The following ANKRD30B variants were observed in gnomAD, a reference collection of about 807,000 sequenced individuals.
The protein encoded by ANKRD30B is ankyrin repeat domain-containing protein 30B.
Under a neutral mutation model 202.2 loss-of-function variants are expected in ANKRD30B, and 144 were observed. The observed-to-expected ratio is 0.71, with a 90% CI of 0.62 to 0.82. The LOEUF is 0.82. ANKRD30B is among the 40% of genes least tolerant of loss of function. ANKRD30B has a pLI of 0.00. For missense variants in ANKRD30B, 1,487 were observed against 1,669.1 expected, an observed-to-expected ratio of 0.89 and a Z score of 1.90; for synonymous variants, 508 against 561.3, an observed-to-expected ratio of 0.91 and a Z score of 1.34.
At chr18:14,828,794 T>G (rs559604780) in intron 33 of ANKRD30B, among the ~76,000 whole-genome samples, 1 of 152,226 alleles carries the variant, frequency 6.6e-6, no homozygotes, top group Admixed American at 6.5e-5. Context: ...CAGTACCTTG[T>G]TTTTATCACC....
At position 14,848,735 on chromosome 18, in the gene ANKRD30B, A is replaced by C; in HGVS notation, c.3201A>C (p.Lys1067Asn). 6.5e-7 allele frequency: 1 copy of C among 1,548,296 alleles called. No homozygotes were observed. ...AGACAGATTCAACTACCCTATCAAA[A>C]ATCTTGGATGCACTTCCTTCTTGTG... is the stretch of plus-strand genomic sequence containing the variant. ...TLRADSTTLS[K>N]ILDALPSCER... is the part of the protein sequence containing the mutation. The change falls in exon 40 of 44, where the codon AAA (lysine) becomes AAC (asparagine). Residue 1067 changes from lysine (K) to asparagine (N), a missense_variant. Lys to Asn is a moderately conservative substitution (Grantham distance 94, BLOSUM62 0). Coordinates refer to ENST00000690538, the MANE Select transcript of ANKRD30B (RefSeq NM_001367607.2).
intron 6 of ANKRD30B, among the ~76,000 whole-genome samples, chr18:14,760,948 T>A (rs1197188558): frequency 6.6e-6 from 1 of 152,178 alleles, no homozygotes; most frequent in Non-Finnish European, 1.5e-5. Flanking sequence ...TATTGTTTGA[T>A]TCCTCAATTG....
chr18:14,799,486 A>G (rs1969172024), intron 22 of ANKRD30B, among the ~76,000 whole-genome samples, 191 bp downstream of exon 22: 2 of 152,174 alleles, frequency 1.3e-5, no homozygotes, highest in African/African-American at 2.4e-5. Context: ...GGATTTAGAA[A>G]AAAATTCTGC....
intron 4 of ANKRD30B, among the ~76,000 whole-genome samples, chr18:14,756,482 G>T (rs1424858770): frequency 6.6e-6 from 1 of 152,178 alleles, no homozygotes; most frequent in Non-Finnish European, 1.5e-5. Context: ...CCTTGCCCAT[G>T]CCTATGTCCT....
intron 9 of ANKRD30B, among the ~76,000 whole-genome samples, chr18:14,774,911 A>C (rs1169870605): frequency 6.6e-6 from 1 of 152,100 alleles, no homozygotes; most frequent in African/African-American, 2.4e-5. Flanking sequence ...GCAGATCACG[A>C]GGTCAGGAGA....
the ANKRD30B span, among the ~76,000 whole-genome samples, chr18:14,904,703 G>A: frequency 6.6e-6 from 1 of 152,184 alleles, no homozygotes. Context: ...CAATATGAGT[G>A]ACCATGGTCA....
the ANKRD30B span, among the ~76,000 whole-genome samples, chr18:14,939,103 G>A: frequency 6.6e-6 from 1 of 152,220 alleles, no homozygotes; most frequent in Non-Finnish European, 1.5e-5. Flanking sequence ...TCTCTTCAAA[G>A]TGAATGCAGT....
the ANKRD30B span, among the ~76,000 whole-genome samples, chr18:14,865,126 T>A: frequency 6.6e-6 from 1 of 151,882 alleles, no homozygotes; most frequent in African/African-American, 2.4e-5. Flanking sequence ...TCCCCCTCCA[T>A]CTACCCAAAC....
In ANKRD30B at chr18:14,764,201, G is replaced by A; in HGVS notation, c.1225+111G>A. 2.6e-6 allele frequency: 3 copies of A among 1,147,014 alleles called. No individual in the cohort carries two copies. The South Asian group carries it at 5.4e-5, about 21-fold the overall frequency. 71.1% of individuals were successfully genotyped at this position (1,147,014 alleles called of 1,614,324 possible). On this transcript the variant is annotated intron_variant, in intron 7 of 43. Transcript: ENST00000690538. ...TGTCTTGAATATCTAAATAAGGCAAGCTTAGGCAACACTTTTTAATAGTGT... is the reference window on the plus strand; with the variant it reads ...TGTCTTGAATATCTAAATAAGGCAAACTTAGGCAACACTTTTTAATAGTGT...
At chr18:14,936,686 C>T in the ANKRD30B span, among the ~76,000 whole-genome samples, 287 of 152,318 alleles carry the variant, frequency 1.9e-3, 4 homozygotes, top group Middle Eastern at 3.4e-3. Flanking sequence ...GTGAGTAGCA[C>T]TCCATTCTTT....
intron 39 of ANKRD30B, among the ~76,000 whole-genome samples, chr18:14,847,048 T>TTTTA (rs1971667597): frequency 1.1e-5 from 1 of 90,088 alleles, no homozygotes; most frequent in African/African-American, 4.3e-5. Flanking sequence ...TATGATTTAG[T>TTTTA]TTTATATATA....
rs1913675985 is a variant in ANKRD30B, at chr18:14,752,823, G to C, written c.337-16G>C. 6.2e-7 allele frequency: 1 copy of C among 1,600,978 alleles called. No individual in the cohort carries two copies. Among genetic ancestry groups the C allele is most frequent in the Non-Finnish European group, 8.5e-7 (1 of 1,173,222 alleles). On this transcript the variant is annotated splice_polypyrimidine_tract_variant and intron_variant, in intron 2 of 43. Transcript: ENST00000690538. ...TCCTATAATTTATAATGTACTTCTT[G>C]CTTTAATACTGACAGGCTCTACAAT...
chr18:14,898,080 G>T, the ANKRD30B span, among the ~76,000 whole-genome samples: 1 of 152,126 alleles, frequency 6.6e-6, no homozygotes, highest in African/African-American at 2.4e-5. Context: ...ATCAGTTTTT[G>T]TGTAACCAAT....
intron 20 of ANKRD30B, 82 bp downstream of exon 20, chr18:14,797,936 T>A: frequency 8.1e-7 from 1 of 1,230,646 alleles, no homozygotes; most frequent in South Asian, 1.5e-5. Context: ...ATTCCCAATG[T>A]TGTTTTCTTT....
chr18:14,777,931 A>C, intron 9 of ANKRD30B, 54 bp from the exon 10 acceptor site: 2 of 1,371,504 alleles, frequency 1.5e-6, no homozygotes, highest in Non-Finnish European at 2.0e-6. Flanking sequence ...ACTTCATCTC[A>C]AAAAAACAAA....
At chr18:14,901,205 T>A in the ANKRD30B span, among the ~76,000 whole-genome samples, 2 of 152,346 alleles carry the variant, frequency 1.3e-5, no homozygotes, top group South Asian at 4.1e-4. Flanking sequence ...CTTTTGTCAT[T>A]CATAGACAAT....
chr18:14,831,342 T>C, intron 33 of ANKRD30B, 41 bp from the exon 34 acceptor site: 1 of 1,303,492 alleles, frequency 7.7e-7, no homozygotes, highest in Non-Finnish European at 1.1e-6. Flanking sequence ...TCTTTTTAAA[T>C]ATATGAATTT....
chr18:14,913,210 A>G, the ANKRD30B span, among the ~76,000 whole-genome samples: 2 of 152,210 alleles, frequency 1.3e-5, no homozygotes, highest in Non-Finnish European at 2.9e-5. Context: ...CAGTGCTGGC[A>G]GCCTACAGCC....
the ANKRD30B span, among the ~76,000 whole-genome samples, chr18:14,867,592 C>T: frequency 1.3e-5 from 2 of 152,270 alleles, no homozygotes; most frequent in East Asian, 3.9e-4. Flanking sequence ...TCTGGGAGCC[C>T]CAGGCATGGA....
Sources: allele counts gnomAD v4.1 joint callset (sites outside exome capture counted in the v4.1 genomes callset), GRCh38; gene constraint gnomAD v4.1.1; transcripts MANE v1.5; gene names NCBI Gene and HGNC (gene_info 2026-07-23, HGNC 2026-07-21).